PHYHD1: variants seen among roughly 807,000 people sequenced by gnomAD.
PHYHD1 encodes phytanoyl-CoA dioxygenase domain-containing protein 1.
PHYHD1 carries 42 observed loss-of-function variants against 43.6 expected under a neutral mutation model. The observed-to-expected ratio is 0.96, with a 90% CI of 0.75 to 1.25. PHYHD1 has a LOEUF of 1.25. PHYHD1 is among the 50% of genes most tolerant of loss of function. The pLI, the probability that PHYHD1 is intolerant of heterozygous loss-of-function variation, is 0.00. For synonymous variants in PHYHD1, 139 were observed against 143.6 expected, an observed-to-expected ratio of 0.97 and a Z score of 0.23; for missense variants, 342 against 370.8, an observed-to-expected ratio of 0.92 and a Z score of 0.64.
chr9:128,937,308 C>T (rs1275337603), intron 8 of PHYHD1, among the ~76,000 whole-genome samples: 1 of 152,044 alleles, frequency 6.6e-6, no homozygotes, highest in East Asian at 1.9e-4. Flanking sequence ...GAGGGTCATC[C>T]CCAGGCCTCC....
intron 4 of PHYHD1, among the ~76,000 whole-genome samples, chr9:128,932,177 TA>T (rs60089233): frequency 0.015 from 1,834 of 125,072 alleles, 64 homozygotes; most frequent in African/African-American, 0.035. Context: ...TTGTTATTAT[TA>T]TTATTATTTT....
chr9:128,924,716 C>T (rs933208479), intron 3 of PHYHD1, among the ~76,000 whole-genome samples: 6 of 151,874 alleles, frequency 4.0e-5, no homozygotes, highest in African/African-American at 1.5e-4. Flanking sequence ...GAGTGGATCA[C>T]CTGAGGTCAG....
chr9:128,932,222 G>C (rs1033559347), intron 4 of PHYHD1, among the ~76,000 whole-genome samples: 1 of 138,014 alleles, frequency 7.2e-6, no homozygotes, highest in Admixed American at 7.9e-5. Flanking sequence ...ACTGTCACCC[G>C]GGTTGGAGTG....
At chr9:128,929,722 G>T (rs552721486) in intron 4 of PHYHD1, among the ~76,000 whole-genome samples, 37 of 152,176 alleles carry the variant, frequency 2.4e-4, no homozygotes, top group South Asian at 1.5e-3. Flanking sequence ...ATACGTGTGT[G>T]TGTAATTCTT....
chr9:128,940,625 GC>G lies in PHYHD1; in HGVS notation c.617del (p.Pro206LeufsTer100). ...TSGVSRRMVR[A>X]PVGSAPGTSF... ...TGGTGTGTCAAGAAGGATGGTCCGGGCCCCTGTTGGCTCAGCGCCTGGTACC... is the reference window on the plus strand; with the variant it reads ...TGGTGTGTCAAGAAGGATGGTCCGGGCCCTGTTGGCTCAGCGCCTGGTACC... On this transcript the variant is annotated frameshift_variant, in exon 11 of 13. Coordinates refer to ENST00000372592, the MANE Select transcript of PHYHD1 (RefSeq NM_001100876.2). LOFTEE classifies it high-confidence loss of function. The G allele has an allele frequency of 6.2e-7, 1 of 1,614,146 alleles. No individual in the cohort carries two copies. Among genetic ancestry groups the G allele is most frequent in the Non-Finnish European group, 8.5e-7 (1 of 1,180,026 alleles).
chr9:128,924,786 T>C (rs1841092945), intron 3 of PHYHD1, among the ~76,000 whole-genome samples: 1 of 151,646 alleles, frequency 6.6e-6, no homozygotes, highest in South Asian at 2.1e-4. Flanking sequence ...AATACAAAAA[T>C]TAGCCAGGTG....
chr9:128,926,252 C>T (rs897561803), intron 3 of PHYHD1, among the ~76,000 whole-genome samples: 3 of 152,128 alleles, frequency 2.0e-5, no homozygotes, highest in South Asian at 2.1e-4. Context: ...TTTTTTGAGA[C>T]GGAGTTTCGC....
In PHYHD1 at chr9:128,939,587, A is replaced by T. The variant is rs1490005935; in HGVS notation, c.458-782A>T. Among the ~76,000 whole-genome samples the T allele has an allele frequency of 2.3e-4, 28 of 123,528 alleles. 6 individuals are homozygous for T. Among genetic ancestry groups the T allele is most frequent in the African/African-American group, 5.7e-4 (22 of 38,408 alleles). The allele number at this position is 123,528 out of a possible 152,430, so 81.0% of individuals were successfully genotyped here. A position where few individuals can be genotyped will look rare whatever the true frequency, so the allele number is the denominator to read the frequency against. ...GAGCCAGACTCCGTCTCAAAAAAAA[A>T]AAAAATAATAATAATAATAAAGAAA... is the stretch of plus-strand genomic sequence containing the variant. On this transcript the variant is annotated intron_variant, in intron 9 of 12. Coordinates refer to ENST00000372592, the MANE Select transcript of PHYHD1 (RefSeq NM_001100876.2).
At chr9:128,937,920 C>T in intron 9 of PHYHD1, 142 bp downstream of exon 9, 14 of 1,538,630 alleles carry the variant, frequency 9.1e-6, no homozygotes, top group Non-Finnish European at 1.1e-5. Context: ...AGCCACCTTC[C>T]ATTCCTTCCC....
At chr9:128,940,803 C>T (rs563097598) in intron 11 of PHYHD1, 88 bp downstream of exon 11, 14 of 1,370,576 alleles carry the variant, frequency 1.0e-5, no homozygotes, top group African/African-American at 4.3e-5. Flanking sequence ...AGGTTGCCCT[C>T]GGGGTCATCT....
At position 128,940,369 on chromosome 9, in the gene PHYHD1, T is replaced by C. The variant is rs780435674; in HGVS notation, c.458T>C (p.Val153Ala). Residue 153 changes from valine (V) to alanine (A), a missense_variant and splice_region_variant, in exon 10 of 13, where the codon GTC (valine) becomes GCC (alanine). By Grantham distance (64) the Val-to-Ala change is moderately conservative. Transcript: ENST00000372592. ...CCTCACCCCCCGTGGGCCTGCTTAG[T>C]CTCCCCTCATCAGGACGCCTCCTTC... is the stretch of plus-strand genomic sequence containing the variant. The part of the protein sequence containing the change: ...IFKQPHFGGE[V>A]SPHQDASFLY... 1.2e-6 allele frequency: 2 copies of C among 1,614,096 alleles called. No individual in the cohort carries two copies. The highest frequency in any genetic ancestry group is 4.5e-5 in the East Asian group (2 of 44,872).
chr9:128,941,188 G>A (rs17485388), intron 11 of PHYHD1, among the ~76,000 whole-genome samples: 5,872 of 152,236 alleles, frequency 0.039, 362 homozygotes, highest in African/African-American at 0.13. Context: ...CAAAGACCTC[G>A]GGAGGGGAGG....
intron 8 of PHYHD1, 73 bp downstream of exon 8, chr9:128,936,718 C>T (rs1841432363): frequency 2.0e-6 from 3 of 1,464,070 alleles, no homozygotes; most frequent in Middle Eastern, 1.8e-4. Flanking sequence ...CCCTTCCTTA[C>T]AATGGGCCAA....
At chr9:128,927,389 C>A (rs1022555906) in intron 4 of PHYHD1, among the ~76,000 whole-genome samples, 193 bp downstream of exon 4, 1 of 147,810 alleles carries the variant, frequency 6.8e-6, no homozygotes, top group Non-Finnish European at 1.5e-5. Context: ...TTTCTTTTTT[C>A]TTTTAAAACA....
rs761669373 is a variant in PHYHD1 at position 128,940,348 on chromosome 9, AC to A, written c.458-15del. The A allele has an allele frequency of 1.2e-5, 19 of 1,612,846 alleles. No homozygotes were observed. Among genetic ancestry groups the A allele is most frequent in the Middle Eastern group, 1.7e-4 (1 of 6,040 alleles). On this transcript the variant is annotated intron_variant, in intron 9 of 12. Coordinates refer to ENST00000372592, the MANE Select transcript of PHYHD1 (RefSeq NM_001100876.2). Reference sequence around the variant, plus strand: ...AAACAGGCAAAAGGATGAGCTCCTCACCCCCCGTGGGCCTGCTTAGTCTCCC... The same window carrying A: ...AAACAGGCAAAAGGATGAGCTCCTCACCCCCGTGGGCCTGCTTAGTCTCCC...
At position 128,921,460 on chromosome 9, in the gene PHYHD1, G is replaced by C. The variant is rs1049405702; in HGVS notation, c.-368G>C. On this transcript the variant is annotated 5_prime_UTR_variant, in exon 1 of 13. Coordinates refer to ENST00000372592, the MANE Select transcript of PHYHD1 (RefSeq NM_001100876.2). ...ACTACAGGTGCCCGCCACCACGCCC[G>C]GCTAATTTTTTGTATTTTTAGTAGA... 6.6e-6 allele frequency: 1 copy of C among 152,210 alleles called. No homozygotes were observed. Among genetic ancestry groups the C allele is most frequent in the African/African-American group, 2.4e-5 (1 of 41,442 alleles). The allele number at this position is 152,210 out of a possible 1,614,324, so 9.4% of individuals were successfully genotyped here.
intron 4 of PHYHD1, among the ~76,000 whole-genome samples, chr9:128,930,334 A>G (rs546274280): frequency 1.6e-4 from 24 of 151,612 alleles, no homozygotes; most frequent in African/African-American, 4.1e-4. Context: ...CTAGCTACTT[A>G]GGAGGCTGAG....
chr9:128,924,613 TAA>T (rs74409594), intron 3 of PHYHD1, among the ~76,000 whole-genome samples: 48 of 128,084 alleles, frequency 3.7e-4, no homozygotes, highest in Admixed American at 4.8e-4. Flanking sequence ...CCCTGTCTCT[TAA>T]AAAAAAAAAA....
Position 128,934,012 on chromosome 9 carries a change from A to T in PHYHD1, c.270A>T (p.Gly90=), listed in dbSNP as rs756993139. 1 of 1,613,934 alleles carries T rather than the reference A, an allele frequency of 6.2e-7. No homozygotes were observed. Among genetic ancestry groups the T allele is most frequent in the South Asian group, 1.1e-5 (1 of 91,076 alleles). The change falls in exon 6 of 13, where the codon GGA becomes GGT. Residue 90 remains glycine (G), a splice_region_variant and synonymous_variant. Transcript: ENST00000372592. ...CTTTATCTGTTCTTTGTGCCACAGG[A>T]AATTTCCTGGTCCCTCCGGAGAAAT... The part of the protein sequence containing the change: ...FFEKGVFDEK[G]NFLVPPEKSI...
Sources: gnomAD v4.1 joint callset for allele counts (sites outside exome capture counted in the v4.1 genomes callset) on GRCh38, gnomAD v4.1.1 for gene constraint, MANE v1.5 for transcripts, NCBI Gene and HGNC (gene_info 2026-07-23, HGNC 2026-07-21) for gene names.